Variants in ANO2 observed in about 807,000 individuals in gnomAD.
ANO2 encodes anoctamin 2, also known as anoctamin-2.
In ANO2, 101 loss-of-function variants were observed where a neutral mutation model predicts 124.2. The observed-to-expected ratio is 0.81, with a 90% CI of 0.69 to 0.96. The LOEUF is 0.96. ANO2 is among the 40% of genes least tolerant of loss of function. ANO2 has a pLI of 0.00. For synonymous variants in ANO2, 486 were observed against 482.5 expected (o/e 1.01, Z -0.09); for missense variants, 1,293 against 1,274.5 (o/e 1.01, Z -0.22).
chr12:5,746,748 G>A (rs1369717523), intron 11 of ANO2, among the ~76,000 whole-genome samples: 2 of 152,146 alleles, frequency 1.3e-5, no homozygotes, highest in Non-Finnish European at 2.9e-5. Context: ...TTAGCACAAC[G>A]GGAGAAGGTA....
At chr12:5,892,312 T>C (rs1939473704) in intron 3 of ANO2, among the ~76,000 whole-genome samples, 1 of 152,106 alleles carries the variant, frequency 6.6e-6, no homozygotes, top group Middle Eastern at 3.2e-3. Context: ...CTAACATTAA[T>C]GCCACTGAAG....
rs375185698 is a variant in ANO2, at chr12:5,912,015, C to T, written c.534+9025G>A. Among the ~76,000 whole-genome samples, 7 of 152,334 alleles carry T rather than the reference C, an allele frequency of 4.6e-5. No homozygotes were observed. In the East Asian group the frequency reaches 7.7e-4, roughly 17 times the overall value. On this transcript the variant is annotated intron_variant, in intron 3 of 24. Coordinates refer to ENST00000682330, the MANE Select transcript of ANO2 (RefSeq NM_001364791.2). ...AACCGTGACATTCGTTGAGCCATAG[C>T]ATCTGGTACTGCAGTTTGGGATATG... is the stretch of plus-strand genomic sequence containing the variant.
chr12:5,802,765 T>A (rs576894303), intron 9 of ANO2, among the ~76,000 whole-genome samples: 1 of 152,350 alleles, frequency 6.6e-6, no homozygotes, highest in South Asian at 2.1e-4. Context: ...ATGTCCTCTC[T>A]TCACCAACTG....
rs1480662087 is a variant in ANO2, at chr12:5,599,634, A to C, written c.2088-5T>G. The C allele has an allele frequency of 3.7e-6, 6 of 1,613,372 alleles. No individual in the cohort carries two copies. The highest frequency in any genetic ancestry group is 5.1e-6 in the Non-Finnish European group (6 of 1,179,740). On this transcript the variant is annotated splice_region_variant and splice_polypyrimidine_tract_variant and intron_variant, in intron 19 of 24. Coordinates refer to ENST00000682330, the MANE Select transcript of ANO2 (RefSeq NM_001364791.2). ...CGAAATAGTTTCTTTAGCTTCCTGG[A>C]AAAGAAATGGATTAAGTTACAAAAA... is the stretch of plus-strand genomic sequence containing the variant.
At chr12:5,599,279 T>C (rs1371658169) in intron 20 of ANO2, among the ~76,000 whole-genome samples, 1 of 152,206 alleles carries the variant, frequency 6.6e-6, no homozygotes, top group Non-Finnish European at 1.5e-5. Context: ...ACTGAGCTGC[T>C]CCAGGTTCTC....
intron 3 of ANO2, among the ~76,000 whole-genome samples, chr12:5,895,600 G>A (rs1190200545): frequency 6.6e-6 from 1 of 152,062 alleles, no homozygotes; most frequent in Admixed American, 6.5e-5. Flanking sequence ...CCTCACTCCT[G>A]CAAGAATGGC....
At chr12:5,891,438 A>G (rs2136272569) in intron 3 of ANO2, among the ~76,000 whole-genome samples, 1 of 152,260 alleles carries the variant, frequency 6.6e-6, no homozygotes, top group East Asian at 1.9e-4. Context: ...AGTTTTGGGA[A>G]GTATGTGGCA....
At chr12:5,577,846 CA>C in intron 22 of ANO2, 108 bp downstream of exon 22, 1 of 1,130,720 alleles carries the variant, frequency 8.8e-7, no homozygotes, top group Non-Finnish European at 1.3e-6. Context: ...AATAAAGCTA[CA>C]AATGGAAAAG....
At chr12:5,810,795 A>G (rs7309747) in intron 7 of ANO2, among the ~76,000 whole-genome samples, 63,473 of 151,986 alleles carry the variant, frequency 0.42, 15,663 homozygotes, top group Non-Finnish European at 0.53. Flanking sequence ...AAAGGAAAAG[A>G]CTCATGTTTC....
intron 10 of ANO2, among the ~76,000 whole-genome samples, chr12:5,759,083 C>T (rs1315622419): frequency 7.4e-6 from 1 of 135,644 alleles, no homozygotes; most frequent in Admixed American, 7.6e-5. Context: ...ATTAGAGTTC[C>T]AAAAGGATAA....
At chr12:5,849,999 C>T (rs1164039136) in intron 4 of ANO2, among the ~76,000 whole-genome samples, 1 of 152,170 alleles carries the variant, frequency 6.6e-6, no homozygotes, top group Admixed American at 6.5e-5. Flanking sequence ...CCCCTGGGAT[C>T]AGAGCCTCAG....
intron 14 of ANO2, among the ~76,000 whole-genome samples, chr12:5,661,019 C>T (rs973952925): frequency 2.6e-5 from 4 of 152,192 alleles, no homozygotes; most frequent in African/African-American, 9.7e-5. Context: ...TAGTCAATTG[C>T]GTGGCCCACA....
intron 14 of ANO2, among the ~76,000 whole-genome samples, chr12:5,695,883 A>C (rs146240902): frequency 1.3e-5 from 2 of 152,304 alleles, no homozygotes; most frequent in African/African-American, 4.8e-5. Flanking sequence ...CCATAGAATA[A>C]AGAATTCATA....
intron 7 of ANO2, among the ~76,000 whole-genome samples, chr12:5,824,196 AT>A (rs918842545): frequency 6.6e-6 from 1 of 152,202 alleles, no homozygotes; most frequent in Non-Finnish European, 1.5e-5. Context: ...CTTGCTACTT[AT>A]GCAAATTTCT....
intron 4 of ANO2, among the ~76,000 whole-genome samples, chr12:5,840,814 C>T (rs968931019): frequency 1.3e-4 from 20 of 152,150 alleles, no homozygotes; most frequent in African/African-American, 4.8e-4. Context: ...TTGATGCTTT[C>T]CTCTGCTCCT....
At chr12:5,825,834 T>C (rs769934949) in intron 7 of ANO2, among the ~76,000 whole-genome samples, 6 of 152,260 alleles carry the variant, frequency 3.9e-5, no homozygotes, top group Non-Finnish European at 7.4e-5. Context: ...GGAATACAAA[T>C]GGCCCAGACC....
intron 12 of ANO2, chr12:5,740,130 C>G (rs1008882924): frequency 1.3e-5 from 5 of 386,198 alleles, no homozygotes; most frequent in South Asian, 7.7e-5. Context: ...CCCACGAGCA[C>G]AACCCTACAG....
chr12:5,574,501 C>T (rs1942296532), intron 23 of ANO2, among the ~76,000 whole-genome samples: 1 of 151,516 alleles, frequency 6.6e-6, no homozygotes, highest in Admixed American at 6.5e-5. Flanking sequence ...CATATTCCCT[C>T]TCCCTATCAA....
At chr12:5,633,721 T>G (rs1195295298) in intron 16 of ANO2, among the ~76,000 whole-genome samples, 1 of 152,148 alleles carries the variant, frequency 6.6e-6, no homozygotes, top group East Asian at 1.9e-4. Flanking sequence ...GCTTTCTTTC[T>G]CCCGTACGCT....
Sources: gnomAD v4.1 joint callset for allele counts (sites outside exome capture counted in the v4.1 genomes callset) on GRCh38, gnomAD v4.1.1 for gene constraint, MANE v1.5 for transcripts, NCBI Gene and HGNC (gene_info 2026-07-23, HGNC 2026-07-21) for gene names.